PITPNA: variants seen among roughly 807,000 people sequenced by gnomAD.
The protein encoded by PITPNA is phosphatidylinositol transfer protein alpha.
A neutral mutation model predicts 50.3 loss-of-function variants in PITPNA; 13 were observed. That is an observed-to-expected ratio of 0.26 (90% CI 0.17 to 0.41). PITPNA has a LOEUF of 0.41. Among genes scored for constraint, PITPNA ranks in the 10% least tolerant of loss-of-function variants. PITPNA has a pLI of 1.00. For synonymous variants in PITPNA, 120 were observed against 119.6 expected, an observed-to-expected ratio of 1.00 and a Z score of -0.02; for missense variants, 207 against 333.4, an observed-to-expected ratio of 0.62 and a Z score of 2.95.
At chr17:1,526,215 C>A (rs1487651836) in intron 10 of PITPNA, among the ~76,000 whole-genome samples, 1 of 152,204 alleles carries the variant, frequency 6.6e-6, no homozygotes, top group Non-Finnish European at 1.5e-5. Flanking sequence ...CAGGTGGGGT[C>A]TAATCATGCA....
chr17:1,554,362 C>G (rs2075724508), intron 2 of PITPNA, among the ~76,000 whole-genome samples: 1 of 150,986 alleles, frequency 6.6e-6, no homozygotes. Context: ...TCCTGGCACC[C>G]CCGGGGGGAA....
chr17:1,544,159 G>A (rs567144393), intron 4 of PITPNA, among the ~76,000 whole-genome samples: 3 of 152,256 alleles, frequency 2.0e-5, no homozygotes, highest in South Asian at 2.1e-4. Flanking sequence ...TCTCCGAGAC[G>A]TGCTCATCAA....
At chr17:1,558,860 T>C (rs1397205270) in intron 1 of PITPNA, among the ~76,000 whole-genome samples, 1 of 140,274 alleles carries the variant, frequency 7.1e-6, no homozygotes, top group Non-Finnish European at 1.5e-5. Flanking sequence ...GTTAGAACCC[T>C]GTGATTCAGT....
intron 10 of PITPNA, among the ~76,000 whole-genome samples, chr17:1,528,929 G>A (rs1327381998): frequency 6.6e-6 from 1 of 151,536 alleles, no homozygotes; most frequent in Non-Finnish European, 1.5e-5. Flanking sequence ...CCTGAGGTCA[G>A]GAGTTCAAGA....
chr17:1,553,535 C>G (rs1198410086), intron 2 of PITPNA, among the ~76,000 whole-genome samples: 2 of 152,076 alleles, frequency 1.3e-5, no homozygotes, highest in Non-Finnish European at 2.9e-5. Flanking sequence ...AGCCACCGTT[C>G]CCAGTCAATC....
At chr17:1,543,371 C>A (rs1485351761) in intron 4 of PITPNA, among the ~76,000 whole-genome samples, 1 of 152,136 alleles carries the variant, frequency 6.6e-6, no homozygotes, top group Non-Finnish European at 1.5e-5. Flanking sequence ...CGTTCTCCGG[C>A]GCCTCCCACC....
intron 2 of PITPNA, among the ~76,000 whole-genome samples, chr17:1,554,240 A>G (rs1382298160): frequency 1.3e-5 from 2 of 152,102 alleles, no homozygotes; most frequent in Admixed American, 6.5e-5. Context: ...TGCCGGTGCT[A>G]ATCAGGCATG....
intron 4 of PITPNA, among the ~76,000 whole-genome samples, chr17:1,544,795 G>A (rs558666193): frequency 2.8e-4 from 43 of 152,242 alleles, no homozygotes; most frequent in African/African-American, 3.1e-4. Flanking sequence ...AAAATTAGCC[G>A]GGTGTGGTGG....
chr17:1,561,521 C>G (rs976475056), intron 1 of PITPNA, among the ~76,000 whole-genome samples: 2 of 152,054 alleles, frequency 1.3e-5, no homozygotes, highest in Non-Finnish European at 2.9e-5. Flanking sequence ...GGCAGGTATA[C>G]TCATCCCAAC....
chr17:1,558,262 T>C (rs1273760768), intron 2 of PITPNA, among the ~76,000 whole-genome samples: 1 of 146,762 alleles, frequency 6.8e-6, no homozygotes, highest in Non-Finnish European at 1.5e-5. Context: ...TCCCCAGACA[T>C]GCACAGCCCC....
At position 1,562,501 on chromosome 17, in the gene PITPNA, C is replaced by A; in HGVS notation, c.20+40G>T. ...CGTCGCCCCGGCGGCCGTCCCCACC[C>A]TCCCTCCTCCCCGCTTCCGCACGGC... On this transcript the variant is annotated intron_variant, in intron 1 of 11. Coordinates refer to ENST00000313486, the MANE Select transcript of PITPNA (RefSeq NM_006224.4). This position sits in a 1 kb window ranked among gnomAD's most constrained non-coding sequence, Gnocchi z 6.4. 3 of 1,411,028 alleles carry A rather than the reference C, an allele frequency of 2.1e-6. No homozygotes were observed. Among genetic ancestry groups the A allele is most frequent in the South Asian group, 1.4e-5 (1 of 69,846 alleles). The allele number at this position is 1,411,028 out of a possible 1,614,324, so 87.4% of individuals were successfully genotyped here.
chr17:1,548,850 C>T (rs1598411419), intron 3 of PITPNA, among the ~76,000 whole-genome samples: 1 of 152,194 alleles, frequency 6.6e-6, no homozygotes, highest in Non-Finnish European at 1.5e-5. Context: ...GCCAGGAGGG[C>T]CTAGAACCAT....
intron 2 of PITPNA, among the ~76,000 whole-genome samples, chr17:1,557,893 C>T (rs1056422514): frequency 1.3e-5 from 2 of 152,158 alleles, no homozygotes; most frequent in African/African-American, 2.4e-5. Context: ...ACTTGCCAGC[C>T]GAGTCACGGA....
At chr17:1,558,769 ACCCCCCCCCCGCCC>A (rs2075752676) in intron 1 of PITPNA, among the ~76,000 whole-genome samples, 1 of 22,694 alleles carries the variant, frequency 4.4e-5, no homozygotes, top group Non-Finnish European at 7.3e-5. Flanking sequence ...CTGTGACAAC[ACCCCCCCCCCGCCC>A]CCCCCCCCAG....
At chr17:1,560,627 C>G (rs1288852710) in intron 1 of PITPNA, among the ~76,000 whole-genome samples, 1 of 152,210 alleles carries the variant, frequency 6.6e-6, no homozygotes, top group Non-Finnish European at 1.5e-5. Flanking sequence ...CATTTCAAAA[C>G]CACAGATTTC....
At chr17:1,557,688 C>G (rs960561441) in intron 2 of PITPNA, among the ~76,000 whole-genome samples, 1 of 152,174 alleles carries the variant, frequency 6.6e-6, no homozygotes, top group African/African-American at 2.4e-5. Context: ...TGCCAGATCC[C>G]CACATACAAG....
Position 1,535,263 on chromosome 17 carries a change from T to C in PITPNA, c.564A>G (p.Pro188=). 2 of 1,613,670 alleles carry C rather than the reference T, an allele frequency of 1.2e-6. No individual in the cohort carries two copies. Among genetic ancestry groups the C allele is most frequent in the Non-Finnish European group, 1.7e-6 (2 of 1,179,534 alleles). The change falls in exon 9 of 12, where the codon CCA becomes CCG. Residue 188 remains proline, a synonymous_variant. Transcript: ENST00000313486. ...KQELVNQKDC[P]YMCAYKLVTV... is the part of the protein sequence containing the mutation. Reference sequence around the variant, plus strand: ...TCACCAGTTTGTATGCACACATATATGGGCAGTCCTTCTGGTTTACAAGCT... The same window carrying C: ...TCACCAGTTTGTATGCACACATATACGGGCAGTCCTTCTGGTTTACAAGCT...
intron 11 of PITPNA, 91 bp from the exon 12 acceptor site, chr17:1,520,629 G>A (rs1598400999): frequency 7.0e-6 from 1 of 143,812 alleles, no homozygotes; most frequent in Admixed American, 6.8e-5. Context: ...GAGGAGGAGG[G>A]AAGCCAGTGG....
At position 1,547,522 on chromosome 17, in the gene PITPNA, T is replaced by C. The variant is rs541870488; in HGVS notation, c.289+774A>G. 2.6e-5 allele frequency among the ~76,000 whole-genome samples: 4 copies of C among 151,550 alleles called. No homozygotes were observed. The South Asian group carries it at 6.2e-4, about 24-fold the overall frequency. On this transcript the variant is annotated intron_variant, in intron 4 of 11. Transcript: ENST00000313486. The stretch of plus-strand genomic sequence containing the variant: ...AAAATTAGCCGGGCATGGTGGTGTA[T>C]GCCTGTAATTCCAGCTACTTGTATG...
Sources: gnomAD v4.1 joint callset for allele counts (sites outside exome capture counted in the v4.1 genomes callset) on GRCh38, gnomAD v4.1.1 for gene constraint, Gnocchi (gnomAD v3.1) non-coding constraint, MANE v1.5 for transcripts, NCBI Gene and HGNC (gene_info 2026-07-23, HGNC 2026-07-21) for gene names.